Variants in SCMH1 observed in about 807,000 individuals in gnomAD.
The protein encoded by SCMH1 is Scm polycomb group protein homolog 1, also known as polycomb protein SCMH1.
Under a neutral mutation model 70.8 loss-of-function variants are expected in SCMH1, and 37 were observed. The observed-to-expected ratio is 0.52, with a 90% confidence interval of 0.40 to 0.69. The LOEUF (loss-of-function observed/expected upper bound fraction) is 0.69, where lower values mean the gene tolerates loss of function less well. SCMH1 is among the 30% of genes least tolerant of loss of function. The pLI is 0.00. For missense variants in SCMH1, 607 were observed against 827.3 expected (o/e 0.73, Z 3.27); for synonymous variants, 292 against 307.4 (o/e 0.95, Z 0.52).
chr1:41,084,288 C>T (rs1269051093), intron 8 of SCMH1, among the ~76,000 whole-genome samples: 3 of 152,118 alleles, frequency 2.0e-5, no homozygotes, highest in Non-Finnish European at 4.4e-5. Flanking sequence ...AAGAAAAAGA[C>T]AAACAACCCC....
chr1:41,090,923 C>T (rs1441229006), intron 8 of SCMH1, among the ~76,000 whole-genome samples: 5 of 151,658 alleles, frequency 3.3e-5, no homozygotes, highest in African/African-American at 1.2e-4. Flanking sequence ...CCTGTAGTCG[C>T]AGCTACTTGG....
At chr1:41,156,320 T>A (rs2148382324) in intron 4 of SCMH1, among the ~76,000 whole-genome samples, 2 of 152,336 alleles carry the variant, frequency 1.3e-5, no homozygotes, top group South Asian at 4.1e-4. Context: ...TTAAGCATAA[T>A]CAACATCTTT....
rs532129873 is a variant in SCMH1, at chr1:41,133,230, T to C, written c.412+9648A>G. Among the ~76,000 whole-genome samples, 6 of 152,312 alleles carry C rather than the reference T, an allele frequency of 3.9e-5. No individual in the cohort carries two copies. The South Asian group carries it at 1.2e-3, about 32-fold the overall frequency. ...TTTTATTTCGTTGAGCAGTGGTTTG[T>C]AGTTCTCCTTGAAGAGGTCCTTCAC... On this transcript the variant is annotated intron_variant, in intron 6 of 14. Coordinates refer to ENST00000337495, the Ensembl canonical transcript of SCMH1.
chr1:41,234,071 C>T (rs891869924), intron 1 of SCMH1, among the ~76,000 whole-genome samples: 4 of 152,190 alleles, frequency 2.6e-5, no homozygotes, highest in Non-Finnish European at 5.9e-5. Context: ...GGGTCTTTAC[C>T]TCTTCCTATC....
At chr1:41,084,048 T>C (rs1474790065) in intron 8 of SCMH1, among the ~76,000 whole-genome samples, 1 of 152,132 alleles carries the variant, frequency 6.6e-6, no homozygotes, top group African/African-American at 2.4e-5. Context: ...GGCATTACCA[T>C]TCAGGACACA....
At chr1:41,117,713 A>T (rs1356089022) in intron 6 of SCMH1, among the ~76,000 whole-genome samples, 1 of 152,232 alleles carries the variant, frequency 6.6e-6, no homozygotes, top group African/African-American at 2.4e-5. Flanking sequence ...TGAAAGTACT[A>T]AAAGTCTCTG....
intron 5 of SCMH1, among the ~76,000 whole-genome samples, chr1:41,147,527 A>G (rs1343931066): frequency 6.6e-6 from 1 of 152,176 alleles, no homozygotes; most frequent in Admixed American, 6.5e-5. Context: ...TATGTTGGAC[A>G]GTATTCTATG....
intron 1 of SCMH1, among the ~76,000 whole-genome samples, chr1:41,241,194 T>G (rs927290690): frequency 1.3e-5 from 2 of 152,210 alleles, no homozygotes; most frequent in Admixed American, 1.3e-4. Flanking sequence ...TTTGGGGATT[T>G]TCAAAGTCAC....
At chr1:41,117,250 C>T (rs1487122346) in intron 6 of SCMH1, among the ~76,000 whole-genome samples, 9 of 152,046 alleles carry the variant, frequency 5.9e-5, no homozygotes, top group Non-Finnish European at 1.2e-4. Context: ...TAATAATCCT[C>T]GCTCTACAAT....
At chr1:41,091,656 C>A (rs1663554272) in intron 8 of SCMH1, among the ~76,000 whole-genome samples, 1 of 152,206 alleles carries the variant, frequency 6.6e-6, no homozygotes, top group Non-Finnish European at 1.5e-5. Flanking sequence ...AGCCCAAAAT[C>A]TCCTTAAGCT....
At chr1:41,111,572 C>T (rs1297075877) in intron 8 of SCMH1, among the ~76,000 whole-genome samples, 1 of 152,178 alleles carries the variant, frequency 6.6e-6, no homozygotes, top group African/African-American at 2.4e-5. Context: ...AACTCCTGAG[C>T]TCAGGTGATC....
chr1:41,141,797 T>C (rs1043458756), intron 6 of SCMH1, among the ~76,000 whole-genome samples: 2 of 151,910 alleles, frequency 1.3e-5, no homozygotes, highest in African/African-American at 4.8e-5. Context: ...GTTAGATTGA[T>C]TCAAAAAACT....
chr1:41,089,787 C>CTTTT lies in SCMH1; in HGVS notation c.746-14340_746-14337dup, dbSNP rs373229472. Among the ~76,000 whole-genome samples the CTTTT allele has an allele frequency of 2.5e-3, 149 of 58,740 alleles. 5 individuals are homozygous for CTTTT. Among genetic ancestry groups the CTTTT allele is most frequent in the East Asian group, 8.4e-3 (14 of 1,658 alleles). The allele number at this position is 58,740 out of a possible 152,430, so 38.5% of individuals were successfully genotyped here. A position where few individuals can be genotyped will look rare whatever the true frequency, so the allele number is the denominator to read the frequency against. ...TTATTCCACTCTAACCATGTTGTCT[C>CTTTT]TTTTTTTTTTTTTTTTTTTTTTGAG... On this transcript the variant is annotated intron_variant, in intron 8 of 14. Coordinates refer to ENST00000337495, the Ensembl canonical transcript of SCMH1.
chr1:41,045,345 T>C (rs1179363589), intron 12 of SCMH1, among the ~76,000 whole-genome samples: 1 of 152,138 alleles, frequency 6.6e-6, no homozygotes, highest in East Asian at 1.9e-4. Context: ...TATTTAAAAT[T>C]CAGGTATCTT....
At chr1:41,231,491 T>C (rs909197900) in intron 1 of SCMH1, among the ~76,000 whole-genome samples, 3 of 152,228 alleles carry the variant, frequency 2.0e-5, no homozygotes, top group Non-Finnish European at 4.4e-5. Context: ...ACTAACATTT[T>C]ACATTAGTAT....
intron 2 of SCMH1, among the ~76,000 whole-genome samples, chr1:41,167,403 CCCT>C (rs1358178554): frequency 1.4e-4 from 21 of 152,084 alleles, no homozygotes; most frequent in Admixed American, 9.2e-4. Context: ...TTGAAGAATT[CCCT>C]CCTCTTCAAC....
intron 10 of SCMH1, among the ~76,000 whole-genome samples, chr1:41,059,922 G>A (rs867975562): frequency 3.9e-5 from 6 of 151,942 alleles, no homozygotes; most frequent in South Asian, 2.1e-4. Flanking sequence ...GGAATTTGGC[G>A]GGTCCAGAGA....
At chr1:41,191,166 T>C (rs905284481) in intron 1 of SCMH1, among the ~76,000 whole-genome samples, 2 of 152,236 alleles carry the variant, frequency 1.3e-5, no homozygotes, top group African/African-American at 2.4e-5. Context: ...TGAGTTACCA[T>C]GCCTGGTCCC....
Position 41,113,948 on chromosome 1 carries a change from T to A in SCMH1, c.502-422A>T, listed in dbSNP as rs964074476. ...ATATCATTGTACAATTTGCTTTTTG[T>A]TTAGCAGTATGTTTTTGAAATCTGC... On this transcript the variant is annotated intron_variant, in intron 7 of 14. Coordinates refer to ENST00000337495, the Ensembl canonical transcript of SCMH1. This position sits in a 1 kb window ranked among gnomAD's most constrained non-coding sequence, Gnocchi z 4.3. 5.9e-5 allele frequency among the ~76,000 whole-genome samples: 9 copies of A among 152,322 alleles called. No homozygotes were observed. The highest frequency in any genetic ancestry group is 5.9e-4 in the Admixed American group (9 of 15,284).
Sources: allele counts gnomAD v4.1 joint callset (sites outside exome capture counted in the v4.1 genomes callset), GRCh38; gene constraint gnomAD v4.1.1; non-coding constraint Gnocchi (gnomAD v3.1); transcripts MANE v1.5; gene names NCBI Gene and HGNC (gene_info 2026-07-23, HGNC 2026-07-21).